ABLIM2: variants seen among roughly 807,000 people sequenced by gnomAD.
The protein encoded by ABLIM2 is actin binding LIM protein family member 2.
ABLIM2 carries 53 observed loss-of-function variants against 97.7 expected under a neutral mutation model. The observed-to-expected ratio is 0.54, with a 90% CI of 0.44 to 0.68. The LOEUF (loss-of-function observed/expected upper bound fraction) is 0.68. Ranked by LOEUF, ABLIM2 falls within the 30% of genes least tolerant of loss-of-function variation. The probability of loss-of-function intolerance (pLI) is 0.00; values close to 1 mark genes in which losing one functional copy is unlikely to be tolerated. For synonymous variants in ABLIM2, 361 were observed against 345.8 expected (o/e 1.04, Z -0.49); for missense variants, 835 against 867.2 (o/e 0.96, Z 0.47).
At chr4:8,034,009 G>A (rs528519034) in intron 10 of ABLIM2, among the ~76,000 whole-genome samples, 27 of 152,338 alleles carry the variant, frequency 1.8e-4, no homozygotes, top group African/African-American at 6.3e-4. Context: ...GGAGGTGGAG[G>A]AGGATCGTGA....
chr4:8,093,761 C>T (rs921889738), intron 3 of ABLIM2, among the ~76,000 whole-genome samples: 5 of 152,182 alleles, frequency 3.3e-5, no homozygotes, highest in Admixed American at 6.5e-5. Context: ...AATTTTTGTT[C>T]GTCTGGCTGC....
intron 1 of ABLIM2, among the ~76,000 whole-genome samples, chr4:8,156,362 C>T (rs1023520587): frequency 1.3e-5 from 2 of 152,194 alleles, no homozygotes; most frequent in Admixed American, 6.5e-5. Context: ...AGGCAGGGGG[C>T]GCCCCACAGC....
chr4:8,035,972 A>G (rs1784248162), intron 10 of ABLIM2, among the ~76,000 whole-genome samples, 177 bp downstream of exon 10: 1 of 152,182 alleles, frequency 6.6e-6, no homozygotes, highest in Non-Finnish European at 1.5e-5. Context: ...CTTGGGCATT[A>G]CTGAAATAGG....
rs1159730937 is a variant in ABLIM2 at position 8,044,537 on chromosome 4, T to C, written c.900+627A>G. ...AAATATTAAATAGAATAATCTCCCATCTCGAATCCCACCACCCAGAGGAAA... is the reference window on the plus strand; with the variant it reads ...AAATATTAAATAGAATAATCTCCCACCTCGAATCCCACCACCCAGAGGAAA... On this transcript the variant is annotated intron_variant, in intron 9 of 20. Coordinates refer to ENST00000447017, the MANE Select transcript of ABLIM2 (RefSeq NM_001130083.2). The surrounding 1 kb of genome is among the most constrained non-coding windows in gnomAD (Gnocchi z 4.4). Among the ~76,000 whole-genome samples, 1 of 152,008 alleles carries C rather than the reference T, an allele frequency of 6.6e-6. No homozygotes were observed. The highest frequency in any genetic ancestry group is 1.5e-5 in the Non-Finnish European group (1 of 68,018).
At chr4:8,020,093 T>G in intron 13 of ABLIM2, 109 bp downstream of exon 13, 1 of 957,782 alleles carries the variant, frequency 1.0e-6, no homozygotes, top group Admixed American at 2.6e-5. Flanking sequence ...GAGCCTGGAG[T>G]GTCGTCTGGC....
At chr4:8,153,167 C>T (rs574656513) in intron 1 of ABLIM2, among the ~76,000 whole-genome samples, 4 of 152,292 alleles carry the variant, frequency 2.6e-5, no homozygotes, top group African/African-American at 9.6e-5. Flanking sequence ...AATTTCCTCT[C>T]GAGCTCAGAG....
intron 20 of ABLIM2, among the ~76,000 whole-genome samples, chr4:7,982,168 C>T (rs550624699): frequency 7.1e-5 from 10 of 141,404 alleles, no homozygotes; most frequent in East Asian, 5.9e-4. Context: ...ACTGAGCCAC[C>T]GCCCCTCAGC....
At chr4:7,979,692 T>C (rs368546760) in intron 20 of ABLIM2, among the ~76,000 whole-genome samples, 20 of 152,342 alleles carry the variant, frequency 1.3e-4, no homozygotes, top group African/African-American at 4.3e-4. Context: ...TTCACTTCCT[T>C]CTTTCCTCTC....
intron 20 of ABLIM2, among the ~76,000 whole-genome samples, chr4:7,974,114 T>C (rs1385815380): frequency 2.0e-5 from 3 of 152,208 alleles, no homozygotes; most frequent in Admixed American, 1.3e-4. Context: ...TGCACAATTG[T>C]GTGGGCCAAG....
chr4:7,977,322 G>A (rs183642911), intron 20 of ABLIM2, among the ~76,000 whole-genome samples: 91 of 152,008 alleles, frequency 6.0e-4, no homozygotes, highest in Admixed American at 2.2e-3. Flanking sequence ...ACCCAGTCTC[G>A]GGTATTTCTT....
chr4:8,116,427 G>A (rs187968400), intron 1 of ABLIM2, among the ~76,000 whole-genome samples: 141 of 152,194 alleles, frequency 9.3e-4, no homozygotes, highest in African/African-American at 3.3e-3. Flanking sequence ...TTCTGCTATC[G>A]CACACATGGG....
rs1301449382 is a variant in ABLIM2 at position 8,044,669 on chromosome 4, GTCTC to G, written c.900+491_900+494del. 5.5e-5 allele frequency among the ~76,000 whole-genome samples: 4 copies of G among 72,806 alleles called. No homozygotes were observed. Among genetic ancestry groups the G allele is most frequent in the South Asian group, 8.6e-4 (2 of 2,332 alleles). The allele number at this position is 72,806 out of a possible 152,430, so 47.8% of individuals were successfully genotyped here. On this transcript the variant is annotated intron_variant, in intron 9 of 20. Transcript: ENST00000447017. This position sits in a 1 kb window ranked among gnomAD's most constrained non-coding sequence, Gnocchi z 4.4. ...ACACACACACACACACACACACAGA[GTCTC>G]TCTCTCTCTCTCTCTCTCGAACGAA...
chr4:8,012,771 C>T (rs1405033807), intron 14 of ABLIM2, among the ~76,000 whole-genome samples: 1 of 152,076 alleles, frequency 6.6e-6, no homozygotes, highest in Non-Finnish European at 1.5e-5. Flanking sequence ...TCCACCCACT[C>T]ACCCACACTC....
At chr4:8,074,593 A>G (rs1349665664) in intron 6 of ABLIM2, among the ~76,000 whole-genome samples, 1 of 152,246 alleles carries the variant, frequency 6.6e-6, no homozygotes, top group Non-Finnish European at 1.5e-5. Context: ...GTAACCATCA[A>G]GAACACTAAA....
At chr4:8,103,124 A>T (rs1835485690) in intron 2 of ABLIM2, among the ~76,000 whole-genome samples, 1 of 152,182 alleles carries the variant, frequency 6.6e-6, no homozygotes, top group African/African-American at 2.4e-5. Flanking sequence ...GGCATCCATC[A>T]TGACCCTGGT....
intron 16 of ABLIM2, chr4:8,007,565 C>T (rs1013458180): frequency 1.7e-5 from 17 of 986,468 alleles, no homozygotes; most frequent in Non-Finnish European, 2.0e-5. Context: ...GTCTTCAAAA[C>T]ACCCCTAGGG....
Position 8,091,603 on chromosome 4 carries a change from T to A in ABLIM2, c.339-3319A>T, listed in dbSNP as rs1199558303. 9.9e-5 allele frequency among the ~76,000 whole-genome samples: 6 copies of A among 60,354 alleles called. 1 individual carries two copies. The highest frequency in any genetic ancestry group is 1.6e-4 in the Non-Finnish European group (6 of 37,418). 39.6% of individuals were successfully genotyped at this position (60,354 alleles called of 152,430 possible). A position where few individuals can be genotyped will look rare whatever the true frequency, so the allele number is the denominator to read the frequency against. Reference sequence around the variant, plus strand: ...ATATAAAATTATATATATAATTATATATATTATGTATAATTTTATATAAAA... The same window carrying A: ...ATATAAAATTATATATATAATTATAAATATTATGTATAATTTTATATAAAA... On this transcript the variant is annotated intron_variant, in intron 3 of 20. Coordinates refer to ENST00000447017, the MANE Select transcript of ABLIM2 (RefSeq NM_001130083.2).
chr4:8,157,259 CA>C (rs954339272), intron 1 of ABLIM2, among the ~76,000 whole-genome samples: 115 of 152,170 alleles, frequency 7.6e-4, no homozygotes, highest in African/African-American at 2.7e-3. Flanking sequence ...TCCCTGATGA[CA>C]GGGGGGACCA....
At position 8,022,399 on chromosome 4, in the gene ABLIM2, C is replaced by A. The variant is rs955047624; in HGVS notation, c.1268-2096G>T. On this transcript the variant is annotated intron_variant, in intron 12 of 20. Transcript: ENST00000447017. The surrounding 1 kb of genome is among the most constrained non-coding windows in gnomAD (Gnocchi z 7.8). Reference sequence around the variant, plus strand: ...ACCAGAGTCTGTGGACACATGTGCACGTCTATTTGAGGAGGGTCCGGAGAC... The same window carrying A: ...ACCAGAGTCTGTGGACACATGTGCAAGTCTATTTGAGGAGGGTCCGGAGAC... 6.6e-6 allele frequency among the ~76,000 whole-genome samples: 1 copy of A among 152,200 alleles called. No individual in the cohort carries two copies. The highest frequency in any genetic ancestry group is 1.9e-4 in the East Asian group (1 of 5,192).
Sources: gnomAD v4.1 joint callset for allele counts (sites outside exome capture counted in the v4.1 genomes callset) on GRCh38, gnomAD v4.1.1 for gene constraint, Gnocchi (gnomAD v3.1) non-coding constraint, MANE v1.5 for transcripts, NCBI Gene and HGNC (gene_info 2026-07-23, HGNC 2026-07-21) for gene names.